The following GLRA2 variants were observed in gnomAD, a reference collection of about 807,000 sequenced individuals.
The protein encoded by GLRA2 is glycine receptor subunit alpha-2.
Under a neutral mutation model 31.6 loss-of-function variants are expected in GLRA2, and 11 were observed. That is an observed-to-expected ratio of 0.35 (90% confidence interval 0.22 to 0.58). The LOEUF (loss-of-function observed/expected upper bound fraction) is 0.58. Among genes scored for constraint, GLRA2 ranks in the 20% least tolerant of loss-of-function variants. GLRA2 has a pLI of 0.84. For missense variants in GLRA2, 212 were observed against 351.8 expected, an observed-to-expected ratio of 0.60 and a Z score of 3.18; for synonymous variants, 132 against 134.0, an observed-to-expected ratio of 0.99 and a Z score of 0.10.
intron 7 of GLRA2, among the ~76,000 whole-genome samples, chrX:14,609,717 G>C (rs1335733486): frequency 1.8e-5 from 2 of 111,362 alleles, no homozygotes; most frequent in Admixed American, 1.9e-4. Flanking sequence ...ACAGCAATCT[G>C]ATATATGAAA....
intron 2 of GLRA2, among the ~76,000 whole-genome samples, chrX:14,566,214 A>G (rs1277626011): frequency 8.9e-6 from 1 of 112,071 alleles, no homozygotes; most frequent in Admixed American, 9.5e-5. Context: ...ACAAATAAGT[A>G]AAAACACACA....
At chrX:14,458,326 A>G in the GLRA2 span, among the ~76,000 whole-genome samples, 2 of 112,012 alleles carry the variant, frequency 1.8e-5, no homozygotes, top group Non-Finnish European at 3.8e-5. Flanking sequence ...GTGCCACAAT[A>G]AACATCCGTG....
chrX:14,607,218 T>C lies in GLRA2; in HGVS notation c.665T>C (p.Ile222Thr). The C allele has an allele frequency of 8.4e-7, 1 of 1,196,738 alleles. No individual in the cohort carries two copies. The change falls in exon 6 of 9, where the codon ATT (isoleucine) becomes ACT (threonine). Residue 222 changes from isoleucine to threonine, a missense_variant. By Grantham distance (89) the Ile-to-Thr change is moderately conservative. Around this residue, in one of 5 missense-constraint regions of GLRA2, gnomAD observed 110 missense variants for 232.6 expected, o/e 0.47. Coordinates refer to ENST00000218075, the MANE Select transcript of GLRA2 (RefSeq NM_002063.4). ...GAAGGATTGACCCTGCCCCAGTTTA[T>C]TTTGAAAGAAGAGAAGGAACTTGGC... The part of the protein sequence containing the change: ...VAEGLTLPQF[I>T]LKEEKELGYC...
chrX:14,620,783 C>T (rs2090506679), intron 7 of GLRA2, among the ~76,000 whole-genome samples: 1 of 111,470 alleles, frequency 9.0e-6, no homozygotes, highest in Non-Finnish European at 1.9e-5. Flanking sequence ...GAGCATGGGG[C>T]CTCAGCAATC....
At chrX:14,627,455 T>C (rs1002594382) in intron 7 of GLRA2, among the ~76,000 whole-genome samples, 5 of 111,768 alleles carry the variant, frequency 4.5e-5, no homozygotes, top group African/African-American at 1.6e-4. Context: ...TCCCATTTTA[T>C]AGTGACTAAT....
chrX:14,670,722 TTAAGA>T (rs1452659274), intron 7 of GLRA2, among the ~76,000 whole-genome samples: 5 of 111,583 alleles, frequency 4.5e-5, no homozygotes, highest in African/African-American at 1.3e-4. Flanking sequence ...ACATGGAAAT[TTAAGA>T]TAAGATTTGG....
the GLRA2 span, among the ~76,000 whole-genome samples, chrX:14,459,901 A>C: frequency 9.8e-5 from 11 of 112,034 alleles, no homozygotes; most frequent in Non-Finnish European, 1.7e-4. Flanking sequence ...AGAACGTCCA[A>C]TACTGTGTTG....
At chrX:14,456,692 T>A in the GLRA2 span, among the ~76,000 whole-genome samples, 1 of 112,756 alleles carries the variant, frequency 8.9e-6, no homozygotes. Context: ...CAAGATCTCA[T>A]TATTTTTATG....
At chrX:14,571,453 A>G (rs2089882327) in intron 2 of GLRA2, among the ~76,000 whole-genome samples, 1 of 112,205 alleles carries the variant, frequency 8.9e-6, no homozygotes, top group South Asian at 3.7e-4. Context: ...ATATTTAGGT[A>G]GCTTATATCA....
chrX:14,606,014 TA>T (rs1457672221), intron 5 of GLRA2, among the ~76,000 whole-genome samples: 1 of 89,607 alleles, frequency 1.1e-5, no homozygotes, highest in Non-Finnish European at 2.2e-5. Context: ...ATGTTCTTAT[TA>T]TTTTTTTTTT....
chrX:14,500,401 GACCTGAAACAA>G, the GLRA2 span, among the ~76,000 whole-genome samples: 6 of 112,482 alleles, frequency 5.3e-5, no homozygotes, highest in Non-Finnish European at 1.1e-4. Flanking sequence ...ATGCCCAGGG[GACCTGAAACAA>G]ACCTGAAACA....
At chrX:14,663,524 C>CAT (rs1178044113) in intron 7 of GLRA2, among the ~76,000 whole-genome samples, 1 of 110,675 alleles carries the variant, frequency 9.0e-6, no homozygotes, top group African/African-American at 3.3e-5. Flanking sequence ...ATTACACACA[C>CAT]ACACACACAC....
chrX:14,451,348 G>A, the GLRA2 span, among the ~76,000 whole-genome samples: 2 of 110,725 alleles, frequency 1.8e-5, no homozygotes, highest in Non-Finnish European at 3.8e-5. Flanking sequence ...GGCACAGAGT[G>A]GGCTGGGTGT....
intron 7 of GLRA2, among the ~76,000 whole-genome samples, chrX:14,663,719 G>A (rs1449804472): frequency 2.7e-5 from 3 of 111,519 alleles, no homozygotes; most frequent in Non-Finnish European, 5.7e-5. Flanking sequence ...TATCTAAGGA[G>A]AAAAATCATA....
chrX:14,693,082 A>G (rs2091387889), intron 8 of GLRA2, among the ~76,000 whole-genome samples: 1 of 111,291 alleles, frequency 9.0e-6, no homozygotes, highest in Non-Finnish European at 1.9e-5. Flanking sequence ...AGAACCAGAC[A>G]GACAAAGAGA....
At chrX:14,470,185 C>T in the GLRA2 span, among the ~76,000 whole-genome samples, 48 of 111,596 alleles carry the variant, frequency 4.3e-4, no homozygotes, top group Non-Finnish European at 7.0e-4. Flanking sequence ...CGTTTTCTTA[C>T]GAGAACTTTC....
At chrX:14,663,005 G>A (rs1046589101) in intron 7 of GLRA2, among the ~76,000 whole-genome samples, 22 of 111,413 alleles carry the variant, frequency 2.0e-4, no homozygotes, top group Admixed American at 1.1e-3. Flanking sequence ...TATACTAGTA[G>A]TAGTAGATTT....
At chrX:14,574,085 C>T (rs2089920549) in intron 2 of GLRA2, among the ~76,000 whole-genome samples, 1 of 111,918 alleles carries the variant, frequency 8.9e-6, no homozygotes, top group African/African-American at 3.2e-5. Flanking sequence ...ACAGTGAATC[C>T]AGTTCAATAG....
intron 7 of GLRA2, among the ~76,000 whole-genome samples, chrX:14,644,857 A>G (rs1357593172): frequency 8.9e-6 from 1 of 112,100 alleles, no homozygotes; most frequent in Admixed American, 9.5e-5. Context: ...TCAGTTCAGT[A>G]TCGGCTTTTC....
Sources: allele counts gnomAD v4.1 joint callset (sites outside exome capture counted in the v4.1 genomes callset), GRCh38; gene constraint gnomAD v4.1.1; regional missense constraint gnomAD v4.1.1; transcripts MANE v1.5; gene names NCBI Gene and HGNC (gene_info 2026-07-23, HGNC 2026-07-21).